Variants in IGSF11 observed in about 807,000 individuals in gnomAD.
The protein encoded by IGSF11 is immunoglobulin superfamily member 11.
Under a neutral mutation model 41.0 loss-of-function variants are expected in IGSF11, and 22 were observed. The observed-to-expected ratio is 0.54, with a 90% confidence interval of 0.38 to 0.77. The LOEUF (loss-of-function observed/expected upper bound fraction) is 0.77, where lower values mean the gene tolerates loss of function less well. Among genes scored for constraint, IGSF11 ranks in the 30% least tolerant of loss-of-function variants. The pLI, the probability that IGSF11 is intolerant of heterozygous loss-of-function variation, is 0.00. For synonymous variants in IGSF11, 219 were observed against 201.3 expected, an observed-to-expected ratio of 1.09 and a Z score of -0.74; for missense variants, 444 against 530.8, an observed-to-expected ratio of 0.84 and a Z score of 1.61.
At chr3:119,036,017 T>C (rs1431896986), upstream of IGSF11, among the ~76,000 whole-genome samples, 1 of 152,210 alleles carries the variant, frequency 6.6e-6, no homozygotes, top group African/African-American at 2.4e-5. Flanking sequence ...GATTGGAAGA[T>C]ATATGTAAAA....
intron 1 of IGSF11, among the ~76,000 whole-genome samples, chr3:119,117,321 G>C (rs1354575005): frequency 2.0e-5 from 3 of 152,130 alleles, no homozygotes; most frequent in African/African-American, 7.2e-5. Flanking sequence ...GGGTTTAATG[G>C]ACTTACAGTT....
In IGSF11 at chr3:119,052,690, A is replaced by T. The variant is rs565262861; in HGVS notation, c.49+52454T>A. The stretch of plus-strand genomic sequence containing the variant: ...CAAAACCAGGAAAGGACACAGAAAA[A>T]AAAAAAGAAACCTACAGACCAATAT... On this transcript the variant is annotated intron_variant, in intron 1 of 6. Coordinates refer to the IGSF11 transcript ENST00000354673. Among the ~76,000 whole-genome samples, 159 of 152,204 alleles carry T rather than the reference A, an allele frequency of 1.0e-3. 1 individual carries two copies. The highest frequency in any genetic ancestry group is 2.0e-3 in the Non-Finnish European group (136 of 68,008).
intron 1 of IGSF11, among the ~76,000 whole-genome samples, chr3:119,053,316 G>T (rs1303167559): frequency 6.6e-6 from 1 of 152,072 alleles, no homozygotes; most frequent in Non-Finnish European, 1.5e-5. Context: ...CAGTAAAGTT[G>T]CAGAATATAA....
At chr3:119,082,250 ATAAAAG>A (rs2076597175) in intron 1 of IGSF11, among the ~76,000 whole-genome samples, 1 of 152,234 alleles carries the variant, frequency 6.6e-6, no homozygotes, top group African/African-American at 2.4e-5. Flanking sequence ...AAATGGCAAC[ATAAAAG>A]TAAGATAAAA....
At chr3:119,006,491 G>C (rs1937511448) in intron 1 of IGSF11, among the ~76,000 whole-genome samples, 1 of 130,680 alleles carries the variant, frequency 7.7e-6, no homozygotes, top group African/African-American at 3.3e-5. Flanking sequence ...ATCCAGCTTT[G>C]TTCCGTTGCT....
At chr3:118,974,707 T>TC (rs1483574292) in intron 1 of IGSF11, among the ~76,000 whole-genome samples, 1 of 152,158 alleles carries the variant, frequency 6.6e-6, no homozygotes, top group African/African-American at 2.4e-5. Context: ...TTCCTCCTTT[T>TC]CTCCAAACTT....
intron 1 of IGSF11, among the ~76,000 whole-genome samples, chr3:119,065,918 T>C (rs1942219214): frequency 6.6e-6 from 1 of 152,142 alleles, no homozygotes; most frequent in Non-Finnish European, 1.5e-5. Context: ...TGTGTATTCA[T>C]TGAATGTGTA....
intron 1 of IGSF11, among the ~76,000 whole-genome samples, chr3:118,972,475 G>A (rs912484402): frequency 4.6e-5 from 7 of 152,184 alleles, no homozygotes; most frequent in Admixed American, 4.6e-4. Flanking sequence ...GTTCCGTAGG[G>A]GCAAAGATCT....
At chr3:119,018,130 C>T (rs1938930144) in intron 1 of IGSF11, among the ~76,000 whole-genome samples, 1 of 151,978 alleles carries the variant, frequency 6.6e-6, no homozygotes, top group South Asian at 2.1e-4. Context: ...TTATTTGATA[C>T]AAATTAAAAT....
upstream of IGSF11, chr3:119,105,266 C>A: frequency 1.0e-6 from 1 of 994,986 alleles, no homozygotes; most frequent in Non-Finnish European, 1.5e-6. Context: ...ATATGTATTT[C>A]ATTTTTTAAA....
At chr3:118,957,597 T>G (rs1945052399) in intron 1 of IGSF11, among the ~76,000 whole-genome samples, 1 of 152,228 alleles carries the variant, frequency 6.6e-6, no homozygotes, top group African/African-American at 2.4e-5. Context: ...ATGCTCTTAC[T>G]CATCACACTC....
intron 1 of IGSF11, among the ~76,000 whole-genome samples, chr3:119,034,325 A>G (rs1050378818): frequency 1.3e-5 from 2 of 152,202 alleles, no homozygotes; most frequent in Admixed American, 1.3e-4. Flanking sequence ...CTCTCTGACA[A>G]GGAACACCTG....
intron 1 of IGSF11, among the ~76,000 whole-genome samples, chr3:119,118,966 A>G (rs1345926516): frequency 6.6e-6 from 1 of 152,198 alleles, no homozygotes; most frequent in Non-Finnish European, 1.5e-5. Flanking sequence ...AGCTGAGACC[A>G]TCTCAGCCTG....
At chr3:119,077,304 A>T (rs569460417) in intron 1 of IGSF11, among the ~76,000 whole-genome samples, 42 of 152,068 alleles carry the variant, frequency 2.8e-4, no homozygotes, top group Admixed American at 9.8e-4. Flanking sequence ...GCATTAGGAG[A>T]TATACCTAAT....
chr3:119,121,009 G>A (rs956607528), intron 1 of IGSF11, among the ~76,000 whole-genome samples: 2 of 151,878 alleles, frequency 1.3e-5, no homozygotes, highest in African/African-American at 4.9e-5. Flanking sequence ...AATTAATACA[G>A]AAAAATCAAA....
At chr3:119,145,113 T>C (rs1171748603) in intron 1 of IGSF11, among the ~76,000 whole-genome samples, 1 of 152,224 alleles carries the variant, frequency 6.6e-6, no homozygotes, top group Non-Finnish European at 1.5e-5. Context: ...GATTCCCCTT[T>C]CCATTCCTAA....
chr3:119,016,094 C>T, intron 1 of IGSF11, among the ~76,000 whole-genome samples: 1 of 152,116 alleles, frequency 6.6e-6, no homozygotes, highest in East Asian at 1.9e-4. Context: ...GAGTAAGAGG[C>T]AGCATGGGAA....
intron 1 of IGSF11, among the ~76,000 whole-genome samples, chr3:119,030,227 T>C (rs1188486080): frequency 6.6e-6 from 1 of 152,246 alleles, no homozygotes; most frequent in African/African-American, 2.4e-5. Context: ...ATACACTTTG[T>C]CCACAACAGT....
upstream of IGSF11, among the ~76,000 whole-genome samples, chr3:119,105,992 T>C (rs779052113): frequency 5.9e-5 from 9 of 152,212 alleles, no homozygotes; most frequent in Admixed American, 3.3e-4. Flanking sequence ...TTATTTGTCA[T>C]ATTACAAACA....
Sources: allele counts gnomAD v4.1 joint callset (sites outside exome capture counted in the v4.1 genomes callset), GRCh38; gene constraint gnomAD v4.1.1; transcripts MANE v1.5; gene names NCBI Gene and HGNC (gene_info 2026-07-23, HGNC 2026-07-21).